PGBD5: variants seen among roughly 807,000 people sequenced by gnomAD.
PGBD5 encodes the protein piggyBac transposable element derived 5, also known as piggyBac transposable element-derived protein 5.
PGBD5 carries 14 observed loss-of-function variants against 47.9 expected under a neutral mutation model. The ratio of observed to expected loss-of-function variants is 0.29; its 90% CI spans 0.19 to 0.46. The LOEUF (loss-of-function observed/expected upper bound fraction) is 0.46. Ranked by LOEUF, PGBD5 falls within the 20% of genes least tolerant of loss-of-function variation. PGBD5 has a pLI of 1.00. For missense variants in PGBD5, 635 were observed against 716.0 expected (o/e 0.89, Z 1.29); for synonymous variants, 316 against 306.3 (o/e 1.03, Z -0.33).
chr1:230,373,650 A>C (rs907770941), intron 1 of PGBD5, among the ~76,000 whole-genome samples: 2 of 152,214 alleles, frequency 1.3e-5, no homozygotes, highest in African/African-American at 4.8e-5. Context: ...TAAAATGTTC[A>C]TATTTTTTGA....
At chr1:230,341,620 C>T (rs1185179552) in intron 3 of PGBD5, among the ~76,000 whole-genome samples, 1 of 152,164 alleles carries the variant, frequency 6.6e-6, no homozygotes, top group Non-Finnish European at 1.5e-5. Context: ...GAAGGAAATA[C>T]CATTCACTTA....
At position 230,367,141 on chromosome 1, in the gene PGBD5, C is replaced by A. The variant is rs547935831; in HGVS notation, c.332-9820G>T. 3.9e-5 allele frequency among the ~76,000 whole-genome samples: 6 copies of A among 152,186 alleles called. No individual in the cohort carries two copies. The South Asian group carries it at 1.2e-3, about 32-fold the overall frequency. ...CTCCCCGCTTATTGCTCCAGCTACA[C>A]CCTCTGTAGCTCTTCAGTCGCAATC... is the stretch of plus-strand genomic sequence containing the variant. On this transcript the variant is annotated intron_variant, in intron 1 of 6. Transcript: ENST00000391860.
chr1:230,370,428 T>C (rs571743018), intron 1 of PGBD5, among the ~76,000 whole-genome samples: 2 of 152,336 alleles, frequency 1.3e-5, no homozygotes, highest in East Asian at 3.9e-4. Flanking sequence ...TATCAATAAA[T>C]AGAAGCAAAT....
At chr1:230,408,283 T>C (rs528769173) in intron 1 of PGBD5, among the ~76,000 whole-genome samples, 2 of 152,336 alleles carry the variant, frequency 1.3e-5, no homozygotes, top group African/African-American at 4.8e-5. Flanking sequence ...CCTTCCATAA[T>C]TGGCTTCGTC....
intron 4 of PGBD5, among the ~76,000 whole-genome samples, chr1:230,333,451 AAG>A (rs1296519325): frequency 6.6e-6 from 1 of 152,144 alleles, no homozygotes; most frequent in Non-Finnish European, 1.5e-5. Flanking sequence ...CACATTAGAG[AAG>A]AAGAACTGAG....
At chr1:230,399,091 C>T (rs962143576) in intron 1 of PGBD5, among the ~76,000 whole-genome samples, 37 of 151,944 alleles carry the variant, frequency 2.4e-4, no homozygotes, top group African/African-American at 8.2e-4. Flanking sequence ...TGCAGCTCAT[C>T]AGTGAGCAAG....
chr1:230,333,010 C>T lies in PGBD5; in HGVS notation c.1107G>A (p.Arg369=), dbSNP rs768993092. ...GIYCCGLLRA[R]KSDCTGLPLS... is the part of the protein sequence containing the mutation. ...GTGGGAGGCCGGTGCAGTCACTCTT[C>T]CGCGCGCGGAGCAAGCCGCAGCAGT... is the stretch of plus-strand genomic sequence containing the variant. The change falls in exon 5 of 7, where the codon CGG becomes CGA. Residue 369 remains arginine, a synonymous_variant. Coordinates refer to ENST00000391860, the MANE Select transcript of PGBD5 (RefSeq NM_001258311.2). 1.2e-6 allele frequency: 2 copies of T among 1,608,590 alleles called. No homozygotes were observed. Among genetic ancestry groups the T allele is most frequent in the East Asian group, 2.2e-5 (1 of 44,672 alleles).
chr1:230,396,266 CTTTTTACCCCCACACT>C (rs1407376904), intron 1 of PGBD5, among the ~76,000 whole-genome samples: 3 of 54,856 alleles, frequency 5.5e-5, no homozygotes, highest in South Asian at 1.0e-3. Flanking sequence ...CACACTCCTC[CTTTTTACCCCCACACT>C]CTTCCCTTTT....
intron 3 of PGBD5, among the ~76,000 whole-genome samples, chr1:230,349,869 A>G (rs1214690850): frequency 6.6e-6 from 1 of 152,200 alleles, no homozygotes; most frequent in Non-Finnish European, 1.5e-5. Flanking sequence ...ATGCCTATGC[A>G]CAAGCAGAGC....
At chr1:230,358,964 G>C (rs1314764999) in intron 1 of PGBD5, among the ~76,000 whole-genome samples, 3 of 152,162 alleles carry the variant, frequency 2.0e-5, no homozygotes, top group Non-Finnish European at 2.9e-5. Flanking sequence ...TTTTTAAAGA[G>C]CTATGGCTTA....
At chr1:230,414,697 C>T (rs1185035291) in intron 1 of PGBD5, among the ~76,000 whole-genome samples, 1 of 152,194 alleles carries the variant, frequency 6.6e-6, no homozygotes, top group Non-Finnish European at 1.5e-5. Flanking sequence ...AAGGAAAACA[C>T]ACAGGCAATT....
chr1:230,408,413 A>C (rs1321852783), intron 1 of PGBD5, among the ~76,000 whole-genome samples: 1 of 152,212 alleles, frequency 6.6e-6, no homozygotes, highest in Non-Finnish European at 1.5e-5. Flanking sequence ...GATAAAAGTT[A>C]AATAAGAATT....
intron 5 of PGBD5, among the ~76,000 whole-genome samples, chr1:230,329,492 A>T (rs1201067480): frequency 6.6e-6 from 1 of 152,222 alleles, no homozygotes; most frequent in Non-Finnish European, 1.5e-5. Context: ...AGAATATATG[A>T]TGCTTCAGTT....
chr1:230,375,685 T>C (rs2102721682), intron 1 of PGBD5, among the ~76,000 whole-genome samples: 1 of 135,530 alleles, frequency 7.4e-6, no homozygotes, highest in East Asian at 2.2e-4. Flanking sequence ...TTTTAGTACA[T>C]GGAATAACCT....
At chr1:230,328,430 C>G (rs1667158423) in intron 5 of PGBD5, among the ~76,000 whole-genome samples, 1 of 152,160 alleles carries the variant, frequency 6.6e-6, no homozygotes, top group Non-Finnish European at 1.5e-5. Flanking sequence ...AGTACCCCAG[C>G]TGAAAAAGGC....
At chr1:230,401,556 GA>G (rs1323073464) in intron 1 of PGBD5, among the ~76,000 whole-genome samples, 3 of 152,116 alleles carry the variant, frequency 2.0e-5, no homozygotes, top group South Asian at 2.1e-4. Flanking sequence ...GCAAGACCCA[GA>G]AGGAAAAAAT....
intron 1 of PGBD5, among the ~76,000 whole-genome samples, chr1:230,398,176 C>T (rs907754710): frequency 9.2e-5 from 14 of 152,224 alleles, no homozygotes; most frequent in African/African-American, 3.1e-4. Flanking sequence ...TAGCCTTGCA[C>T]GTCTCATCTT....
At chr1:230,407,909 G>C (rs755653991) in intron 1 of PGBD5, among the ~76,000 whole-genome samples, 2 of 152,126 alleles carry the variant, frequency 1.3e-5, no homozygotes, top group Non-Finnish European at 2.9e-5. Flanking sequence ...TTTGTTCATG[G>C]GTTTGTGTCC....
chr1:230,364,634 T>G (rs980547156), intron 1 of PGBD5, among the ~76,000 whole-genome samples: 1 of 152,098 alleles, frequency 6.6e-6, no homozygotes, highest in South Asian at 2.1e-4. Flanking sequence ...AAGTTAGCAA[T>G]AAAAATAAAA....
Sources: gnomAD v4.1 joint callset for allele counts (sites outside exome capture counted in the v4.1 genomes callset) on GRCh38, gnomAD v4.1.1 for gene constraint, MANE v1.5 for transcripts, NCBI Gene and HGNC (gene_info 2026-07-23, HGNC 2026-07-21) for gene names.